The following RAB11FIP4 variants were observed in gnomAD, a reference collection of about 807,000 sequenced individuals.
The protein encoded by RAB11FIP4 is RAB11 family interacting protein 4, also known as rab11 family-interacting protein 4.
RAB11FIP4 carries 23 observed loss-of-function variants against 74.3 expected under a neutral mutation model. That is an observed-to-expected ratio of 0.31 (90% confidence interval 0.22 to 0.44). RAB11FIP4 has a LOEUF of 0.44. Among genes scored for constraint, RAB11FIP4 ranks in the 20% least tolerant of loss-of-function variants. The pLI is 1.00. For missense variants in RAB11FIP4, 630 were observed against 863.9 expected (o/e 0.73, Z 3.39); for synonymous variants, 360 against 359.9 (o/e 1.00, Z 0.00).
At chr17:31,438,592 G>A (rs564062373) in intron 3 of RAB11FIP4, among the ~76,000 whole-genome samples, 45 of 151,830 alleles carry the variant, frequency 3.0e-4, no homozygotes, top group East Asian at 7.8e-4. Flanking sequence ...CCCCCATCCC[G>A]CTCCTGGGAC....
intron 1 of RAB11FIP4, among the ~76,000 whole-genome samples, chr17:31,415,392 G>T (rs2071137579): frequency 6.6e-6 from 1 of 152,174 alleles, no homozygotes; most frequent in Admixed American, 6.5e-5. Flanking sequence ...CGGAAGAGAG[G>T]TTGAGTAATT....
At chr17:31,459,148 C>T (rs1165036980) in intron 3 of RAB11FIP4, among the ~76,000 whole-genome samples, 1 of 152,102 alleles carries the variant, frequency 6.6e-6, no homozygotes, top group African/African-American at 2.4e-5. Context: ...TGCCTACACC[C>T]CCTGCCCCGT....
chr17:31,536,659 G>A lies in RAB11FIP4; in HGVS notation c.*4927G>A, dbSNP rs766114661. 8.6e-6 allele frequency: 2 copies of A among 233,708 alleles called. No individual in the cohort carries two copies. The highest frequency in any genetic ancestry group is 1.6e-5 in the Non-Finnish European group (2 of 121,540). The allele number at this position is 233,708 out of a possible 1,614,324, so 14.5% of individuals were successfully genotyped here. The stretch of plus-strand genomic sequence containing the variant: ...ATGCCGTCAGTGGATGACTTTGAGC[G>A]CTGATCCTAGGGACCTGCCAGGTCC... On this transcript the variant is annotated 3_prime_UTR_variant, in exon 15 of 15. Transcript: ENST00000621161.
intron 3 of RAB11FIP4, among the ~76,000 whole-genome samples, chr17:31,515,519 A>G (rs1341151005): frequency 6.7e-6 from 1 of 149,950 alleles, no homozygotes; most frequent in African/African-American, 2.4e-5. Context: ...GAGGGCTGCC[A>G]GCTCACTGGT....
intron 3 of RAB11FIP4, among the ~76,000 whole-genome samples, chr17:31,509,688 G>A (rs2072417055): frequency 6.6e-6 from 1 of 152,180 alleles, no homozygotes; most frequent in Non-Finnish European, 1.5e-5. Context: ...GGAAGCTCTG[G>A]GCTGCAGAGC....
intron 7 of RAB11FIP4, 114 bp downstream of exon 7, chr17:31,522,509 C>A: frequency 9.5e-7 from 1 of 1,052,112 alleles, no homozygotes. Context: ...GCTGAGTGAG[C>A]AGAGGGGAAC....
chr17:31,505,423 TA>T (rs1254983372), intron 3 of RAB11FIP4, among the ~76,000 whole-genome samples: 2 of 86,922 alleles, frequency 2.3e-5, no homozygotes, highest in Admixed American at 1.7e-4. Context: ...TATTATATAT[TA>T]ATATATAATT....
At chr17:31,498,617 G>GC (rs2072161097) in intron 3 of RAB11FIP4, among the ~76,000 whole-genome samples, 1 of 152,188 alleles carries the variant, frequency 6.6e-6, no homozygotes, top group Non-Finnish European at 1.5e-5. Context: ...GCTGTTCAAG[G>GC]CCTGAGGGTT....
chr17:31,474,875 C>A (rs2525585), intron 3 of RAB11FIP4, among the ~76,000 whole-genome samples: 8,194 of 143,514 alleles, frequency 0.057, 755 homozygotes, highest in African/African-American at 0.2. Context: ...CAAAACAAAA[C>A]AAAAAACAAA....
intron 3 of RAB11FIP4, among the ~76,000 whole-genome samples, chr17:31,480,728 C>T (rs1230241808): frequency 7.1e-6 from 1 of 140,914 alleles, no homozygotes; most frequent in Non-Finnish European, 1.5e-5. Context: ...GCAGAGGTTG[C>T]AGTGAGCCGA....
chr17:31,525,387 G>T, intron 10 of RAB11FIP4, 157 bp downstream of exon 10: 1 of 687,424 alleles, frequency 1.5e-6, no homozygotes, highest in South Asian at 1.9e-5. Context: ...TTAATACCAC[G>T]AGAAACACAG....
At chr17:31,488,188 C>G in intron 3 of RAB11FIP4, 1 of 1,086,392 alleles carries the variant, frequency 9.2e-7, no homozygotes, top group South Asian at 4.4e-5. Flanking sequence ...CGTCCCCGCG[C>G]GCCGCCGACC....
At chr17:31,417,553 C>A (rs995080414) in intron 1 of RAB11FIP4, among the ~76,000 whole-genome samples, 2 of 152,174 alleles carry the variant, frequency 1.3e-5, no homozygotes, top group African/African-American at 2.4e-5. Flanking sequence ...TGGATATAGA[C>A]GATGTCAGGT....
At chr17:31,401,111 A>G (rs1567642974) in intron 1 of RAB11FIP4, among the ~76,000 whole-genome samples, 1 of 152,162 alleles carries the variant, frequency 6.6e-6, no homozygotes, top group African/African-American at 2.4e-5. Context: ...TACTAAAGAT[A>G]CAAAAACAAA....
At chr17:31,421,930 A>C (rs1263685784) in intron 1 of RAB11FIP4, among the ~76,000 whole-genome samples, 1 of 152,132 alleles carries the variant, frequency 6.6e-6, no homozygotes, top group Non-Finnish European at 1.5e-5. Context: ...CTGTAATCCC[A>C]GCACTTTGGG....
intron 1 of RAB11FIP4, among the ~76,000 whole-genome samples, chr17:31,424,555 G>A (rs910760524): frequency 2.8e-4 from 42 of 149,660 alleles, no homozygotes; most frequent in Admixed American, 1.8e-3. Context: ...GACTACAGGC[G>A]CGCACCACCA....
At chr17:31,425,959 G>A (rs902777517) in intron 1 of RAB11FIP4, among the ~76,000 whole-genome samples, 4 of 152,172 alleles carry the variant, frequency 2.6e-5, no homozygotes, top group South Asian at 2.1e-4. Context: ...CCCTCCCCCC[G>A]CTGGGACCTC....
At chr17:31,472,525 C>T (rs2071748326) in intron 3 of RAB11FIP4, among the ~76,000 whole-genome samples, 2 of 152,222 alleles carry the variant, frequency 1.3e-5, no homozygotes, top group East Asian at 1.9e-4. Flanking sequence ...GATACACCTG[C>T]GCACAGGAAG....
At chr17:31,488,144 C>G in intron 3 of RAB11FIP4, 1 of 1,049,874 alleles carries the variant, frequency 9.5e-7, no homozygotes, top group Non-Finnish European at 1.1e-6. Flanking sequence ...GCGGCGCGGC[C>G]GCGATTGTTC....
Sources: gnomAD v4.1 joint callset for allele counts (sites outside exome capture counted in the v4.1 genomes callset) on GRCh38, gnomAD v4.1.1 for gene constraint, MANE v1.5 for transcripts, NCBI Gene and HGNC (gene_info 2026-07-23, HGNC 2026-07-21) for gene names.